Variants in CUBN observed in about 807,000 individuals in gnomAD.
CUBN encodes 460 kDa receptor.
Under a neutral mutation model 405.3 loss-of-function variants are expected in CUBN, and 282 were observed. The observed-to-expected ratio is 0.70, with a 90% CI of 0.63 to 0.77. The LOEUF is 0.77. Ranked by LOEUF, CUBN falls within the 30% of genes least tolerant of loss-of-function variation. CUBN has a pLI of 0.00. For synonymous variants in CUBN, 1,684 were observed against 1,617.0 expected (o/e 1.04, Z -0.99); for missense variants, 4,514 against 4,475.2 (o/e 1.01, Z -0.25).
In CUBN at chr10:16,901,319, C is replaced by T. The variant is rs769087631; in HGVS notation, c.8184+19G>A. 6.2e-6 allele frequency: 10 copies of T among 1,613,940 alleles called. No individual in the cohort carries two copies. The highest frequency in any genetic ancestry group is 1.3e-5 in the African/African-American group (1 of 74,922). The stretch of plus-strand genomic sequence containing the variant: ...GTTCTATTGTCTCAGAAGCATTTCA[C>T]CCAGTCATTAGCACTCACAGTGATG... On this transcript the variant is annotated intron_variant, in intron 52 of 66. Transcript: ENST00000377833.
chr10:16,949,324 C>T (rs1272888713), intron 34 of CUBN, among the ~76,000 whole-genome samples: 2 of 152,106 alleles, frequency 1.3e-5, no homozygotes, highest in Admixed American at 6.6e-5. Context: ...AATTAGGCAA[C>T]AGGCCAAACA....
At chr10:17,122,474 T>C (rs530773956) in intron 6 of CUBN, 2 of 412,966 alleles carry the variant, frequency 4.8e-6, no homozygotes, top group East Asian at 6.7e-5. Flanking sequence ...TCCCCTTCAA[T>C]GCTCCGGCTC....
chr10:17,009,290 C>T (rs1286698429), intron 28 of CUBN, among the ~76,000 whole-genome samples: 1 of 152,212 alleles, frequency 6.6e-6, no homozygotes, highest in East Asian at 1.9e-4. Flanking sequence ...TTTCCAGCAA[C>T]TGGGAGAAAG....
At chr10:17,032,570 T>C (rs1273165849) in intron 27 of CUBN, among the ~76,000 whole-genome samples, 1 of 152,168 alleles carries the variant, frequency 6.6e-6, no homozygotes, top group Non-Finnish European at 1.5e-5. Context: ...TATCAAAGTA[T>C]TGGTAGTAGT....
intron 56 of CUBN, among the ~76,000 whole-genome samples, chr10:16,888,070 G>A (rs1840873757): frequency 6.6e-6 from 1 of 152,186 alleles, no homozygotes; most frequent in Non-Finnish European, 1.5e-5. Flanking sequence ...ACCAGAGGCT[G>A]GTAGGGTATG....
At chr10:16,966,237 C>T (rs1843387768) in intron 31 of CUBN, among the ~76,000 whole-genome samples, 1 of 152,196 alleles carries the variant, frequency 6.6e-6, no homozygotes, top group Non-Finnish European at 1.5e-5. Flanking sequence ...AGTGAACGTG[C>T]ATGGGATTCC....
chr10:16,930,797 CA>C (rs1362582829), intron 40 of CUBN, among the ~76,000 whole-genome samples: 2 of 152,142 alleles, frequency 1.3e-5, no homozygotes, highest in Non-Finnish European at 2.9e-5. Context: ...TCCATACGGC[CA>C]AAGGCCTGTG....
At chr10:16,962,876 T>C (rs1242346826) in intron 31 of CUBN, among the ~76,000 whole-genome samples, 4 of 152,120 alleles carry the variant, frequency 2.6e-5, no homozygotes, top group Non-Finnish European at 5.9e-5. Context: ...GTAAATGTTG[T>C]TGTCTTAAGC....
chr10:17,122,789 AGT>A lies in CUBN; in HGVS notation c.593+4_593+5del. 2 of 1,582,774 alleles carry A rather than the reference AGT, an allele frequency of 1.3e-6. No homozygotes were observed. Among genetic ancestry groups the A allele is most frequent in the Non-Finnish European group, 1.7e-6 (2 of 1,153,990 alleles). ...GATATTTACCAAAAAAAAAAAAAAA[AGT>A]TACCTGTAACTTCCCATTGTATTAA... On this transcript the variant is annotated splice_donor_5th_base_variant and intron_variant, in intron 6 of 66. Coordinates refer to ENST00000377833, the MANE Select transcript of CUBN (RefSeq NM_001081.4).
chr10:16,893,827 C>A (rs1297607337), intron 54 of CUBN, among the ~76,000 whole-genome samples: 1 of 152,116 alleles, frequency 6.6e-6, no homozygotes, highest in Non-Finnish European at 1.5e-5. Flanking sequence ...TATATAGATT[C>A]GTAAACAAGT....
intron 8 of CUBN, 24 bp downstream of exon 8, chr10:17,114,003 T>G (rs746802084): frequency 1.2e-6 from 2 of 1,609,452 alleles, no homozygotes; most frequent in Non-Finnish European, 1.7e-6. Flanking sequence ...ATGCAGAGCC[T>G]GGCTTGTGGC....
At chr10:17,024,395 G>A (rs12260862) in intron 27 of CUBN, among the ~76,000 whole-genome samples, 2,502 of 152,216 alleles carry the variant, frequency 0.016, 79 homozygotes, top group African/African-American at 0.057. Flanking sequence ...CAAGTGCCTT[G>A]CTTGCTAAAT....
intron 15 of CUBN, among the ~76,000 whole-genome samples, chr10:17,087,466 C>CTTTTCTTTTTTTT (rs1404980820): frequency 3.8e-5 from 3 of 79,766 alleles, no homozygotes; most frequent in South Asian, 4.4e-4. Flanking sequence ...TATTATTTTT[C>CTTTTCTTTTTTTT]TTTTTCTTTT....
chr10:16,921,446 C>T (rs948033480), intron 43 of CUBN, among the ~76,000 whole-genome samples: 2 of 152,122 alleles, frequency 1.3e-5, no homozygotes, highest in Admixed American at 1.3e-4. Flanking sequence ...GTCTGTCTCT[C>T]TCCTTCTCTC....
intron 28 of CUBN, among the ~76,000 whole-genome samples, chr10:17,006,480 C>T (rs1241051671): frequency 6.6e-6 from 1 of 152,108 alleles, no homozygotes; most frequent in Non-Finnish European, 1.5e-5. Context: ...AGAAATCGTA[C>T]TACATGTACT....
intron 31 of CUBN, among the ~76,000 whole-genome samples, chr10:16,972,996 CTG>C (rs2131674785): frequency 6.6e-6 from 1 of 152,244 alleles, no homozygotes; most frequent in Non-Finnish European, 1.5e-5. Context: ...CCTGTTGTCA[CTG>C]TAGAATACAG....
chr10:17,065,307 G>C (rs1470821218), intron 22 of CUBN, among the ~76,000 whole-genome samples: 2 of 152,070 alleles, frequency 1.3e-5, no homozygotes. Context: ...ACCAACATTA[G>C]AAGATTTAAT....
rs1842550711 is a variant in CUBN, at chr10:16,937,650, G to A, written c.5868C>T (p.Phe1956=). The change falls in exon 39 of 67, where the codon TTC becomes TTT. Residue 1956 remains phenylalanine, a synonymous_variant. Coordinates refer to ENST00000377833, the MANE Select transcript of CUBN (RefSeq NM_001081.4). ...YSDSSISGKG[F]LLEWFAVDAP... is the part of the protein sequence containing the mutation. Reference sequence around the variant, plus strand: ...CATCCACTGCAAACCACTCCAGAAGGAATCCCTTCCCTGAGATTGAAGAGT... The same window carrying A: ...CATCCACTGCAAACCACTCCAGAAGAAATCCCTTCCCTGAGATTGAAGAGT... 1 of 1,613,852 alleles carries A rather than the reference G, an allele frequency of 6.2e-7. No individual in the cohort carries two copies. Among genetic ancestry groups the A allele is most frequent in the Non-Finnish European group, 8.5e-7 (1 of 1,179,974 alleles).
At chr10:16,928,324 CA>C in intron 40 of CUBN, 21 bp from the exon 41 acceptor site, 1 of 1,613,052 alleles carries the variant, frequency 6.2e-7, no homozygotes. Context: ...AGAAAGGGAA[CA>C]ACATGAAAAT....
Sources: allele counts gnomAD v4.1 joint callset (sites outside exome capture counted in the v4.1 genomes callset), GRCh38; gene constraint gnomAD v4.1.1; transcripts MANE v1.5; gene names NCBI Gene and HGNC (gene_info 2026-07-23, HGNC 2026-07-21).